MYL10: variants seen among roughly 807,000 people sequenced by gnomAD.
The protein encoded by MYL10 is myosin light chain 10, also known as myosin regulatory light chain 10.
In MYL10, 18 loss-of-function variants were observed where a neutral mutation model predicts 21.9. That is an observed-to-expected ratio of 0.82 (90% CI 0.57 to 1.22). The LOEUF (loss-of-function observed/expected upper bound fraction) is 1.22. MYL10 is among the 50% of genes most tolerant of loss of function. MYL10 has a pLI of 0.00. For synonymous variants in MYL10, 88 were observed against 82.8 expected (o/e 1.06, Z -0.34); for missense variants, 225 against 230.4 (o/e 0.98, Z 0.15).
intron 5 of MYL10, among the ~76,000 whole-genome samples, chr7:101,617,481 C>G (rs2130736687): frequency 6.6e-6 from 1 of 152,358 alleles, no homozygotes; most frequent in East Asian, 1.9e-4. Context: ...TTAAACCCAC[C>G]TCTGTGGACT....
chr7:101,622,071 C>G (rs768501186), intron 5 of MYL10, 25 bp downstream of exon 5: 10 of 1,586,930 alleles, frequency 6.3e-6, no homozygotes, highest in Middle Eastern at 3.3e-4. Context: ...TGCTGCCCCT[C>G]CAGGACTCCA....
In MYL10 at chr7:101,613,492, C is replaced by G; in HGVS notation, c.664G>C (p.Gly222Arg). The change falls in exon 8 of 8, where the codon GGT becomes CGT. Residue 222 changes from glycine to arginine, a missense_variant. Gly to Arg is a moderately radical substitution (Grantham distance 125, BLOSUM62 -2). Coordinates refer to ENST00000223167, the MANE Select transcript of MYL10 (RefSeq NM_138403.5). Reference sequence around the variant, plus strand: ...GTGATCCCCTAATCCTTCTCTTCACCGTGAGTGATGACGTAGCACAGGTTT... The same window carrying G: ...GTGATCCCCTAATCCTTCTCTTCACGGTGAGTGATGACGTAGCACAGGTTT... ...YRNLCYVITHGEEKD is the reference protein window; with the variant it reads ...YRNLCYVITHREEKD 6.2e-7 allele frequency: 1 copy of G among 1,614,014 alleles called. No individual in the cohort carries two copies. The highest frequency in any genetic ancestry group is 8.5e-7 in the Non-Finnish European group (1 of 1,179,878).
At chr7:101,624,102 C>T (rs938196187) in intron 2 of MYL10, 70 bp downstream of exon 2, 14 of 900,228 alleles carry the variant, frequency 1.6e-5, no homozygotes, top group African/African-American at 1.3e-4. Flanking sequence ...TGAGCCTCTG[C>T]CCAGCTCCTT....
rs1333565512 is a variant in MYL10 at position 101,616,214 on chromosome 7, A to G, written c.533+6T>C. 3.7e-6 allele frequency: 6 copies of G among 1,613,690 alleles called. No individual in the cohort carries two copies. The African/African-American group carries it at 5.3e-5, about 14-fold the overall frequency. On this transcript the variant is annotated splice_donor_region_variant and intron_variant, in intron 6 of 7. Transcript: ENST00000223167. ...GAGCATTTTGGGGGAGTCAGGGGAA[A>G]CTTACACATCGGCCTTGACGAAACC...
At chr7:101,616,160 AC>A in intron 6 of MYL10, 59 bp downstream of exon 6, 3 of 1,477,334 alleles carry the variant, frequency 2.0e-6, no homozygotes, top group Non-Finnish European at 2.8e-6. Flanking sequence ...ATCCACCCTG[AC>A]CCCAGCCCAA....
intron 5 of MYL10, 128 bp downstream of exon 5, chr7:101,621,968 G>C (rs1796684059): frequency 1.5e-6 from 1 of 676,682 alleles, no homozygotes; most frequent in Non-Finnish European, 2.5e-6. Flanking sequence ...CGTGCACCTG[G>C]GGGCTGGTGT....
At chr7:101,623,469 A>G (rs1227294719) in intron 3 of MYL10, among the ~76,000 whole-genome samples, 1 of 152,100 alleles carries the variant, frequency 6.6e-6, no homozygotes, top group Non-Finnish European at 1.5e-5. Context: ...CAGAGGCAGG[A>G]GGATTGCTTG....
rs930714385 is a variant in MYL10, at chr7:101,616,071, G to A, written c.533+149C>T. The A allele has an allele frequency of 4.7e-6, 3 of 637,058 alleles. No homozygotes were observed. The African/African-American group carries it at 5.4e-5, about 12-fold the overall frequency. The allele number at this position is 637,058 out of a possible 1,614,324, so 39.5% of individuals were successfully genotyped here. A position where few individuals can be genotyped will look rare whatever the true frequency, so the allele number is the denominator to read the frequency against. ...AGGGGACACCAAGGCCCAGAGAGGG[G>A]AAGGGACATCAAGCGATATCACTGG... On this transcript the variant is annotated intron_variant, in intron 6 of 7. Coordinates refer to ENST00000223167, the MANE Select transcript of MYL10 (RefSeq NM_138403.5).
intron 5 of MYL10, among the ~76,000 whole-genome samples, chr7:101,617,861 C>T (rs1796626956): frequency 6.6e-6 from 1 of 152,132 alleles, no homozygotes; most frequent in South Asian, 2.1e-4. Context: ...GGATCAGGGC[C>T]TTCTGTGCCT....
chr7:101,618,079 G>A (rs1796629830), intron 5 of MYL10, among the ~76,000 whole-genome samples: 1 of 152,264 alleles, frequency 6.6e-6, no homozygotes. Context: ...GGACTGGGCA[G>A]TGTCTGAGTC....
At chr7:101,617,794 A>T (rs764324407) in intron 5 of MYL10, among the ~76,000 whole-genome samples, 5 of 151,502 alleles carry the variant, frequency 3.3e-5, no homozygotes, top group Admixed American at 6.6e-5. Flanking sequence ...GATCAGGGCC[A>T]TCTGTGTCTC....
intron 6 of MYL10, among the ~76,000 whole-genome samples, chr7:101,615,781 A>C (rs1338552839): frequency 3.7e-5 from 5 of 136,958 alleles, no homozygotes; most frequent in Non-Finnish European, 7.7e-5. Context: ...TGCAACCTCC[A>C]CTTCCTGGGT....
intron 6 of MYL10, among the ~76,000 whole-genome samples, chr7:101,614,444 G>A (rs1033046628): frequency 2.0e-5 from 3 of 152,250 alleles, no homozygotes; most frequent in Non-Finnish European, 2.9e-5. Flanking sequence ...ACCGTGGCCT[G>A]TCTGGCCTGC....
intron 4 of MYL10, among the ~76,000 whole-genome samples, chr7:101,622,413 TC>T (rs1400717411): frequency 5.3e-5 from 8 of 152,248 alleles, no homozygotes; most frequent in Admixed American, 3.9e-4. Flanking sequence ...CAAGTCACTC[TC>T]ATCCCCATTT....
In MYL10 at chr7:101,622,129, C is replaced by T; in HGVS notation, c.421G>A (p.Val141Met). The T allele has an allele frequency of 6.2e-7, 1 of 1,613,938 alleles. No homozygotes were observed. Among genetic ancestry groups the T allele is most frequent in the Non-Finnish European group, 8.5e-7 (1 of 1,179,866 alleles). Residue 141 changes from valine (V) to methionine (M), a missense_variant, in exon 5 of 8, where the codon GTG (valine) becomes ATG (methionine). Coordinates refer to ENST00000223167, the MANE Select transcript of MYL10 (RefSeq NM_138403.5). ...TTCTCCCCAAACATGGTCAGGAACA[C>T]CGTGAAGTTGATGGGTCCGGGGGCC... ...KEAPGPINFTVFLTMFGEKLK... is the reference protein window; with the variant it reads ...KEAPGPINFTMFLTMFGEKLK...
chr7:101,615,016 C>T (rs1796591502), intron 6 of MYL10, among the ~76,000 whole-genome samples: 1 of 152,138 alleles, frequency 6.6e-6, no homozygotes, highest in Non-Finnish European at 1.5e-5. Context: ...GGGAAGGCTG[C>T]CACTCCCCCG....
chr7:101,622,236 G>A (rs1460650462), intron 4 of MYL10, 36 bp from the exon 5 acceptor site: 3 of 1,519,266 alleles, frequency 2.0e-6, no homozygotes, highest in Middle Eastern at 1.7e-4. Flanking sequence ...GGGAGGATAA[G>A]AGAGATCAGA....
chr7:101,615,495 A>G (rs1796598280), intron 6 of MYL10, among the ~76,000 whole-genome samples: 1 of 144,668 alleles, frequency 6.9e-6, no homozygotes, highest in Admixed American at 7.1e-5. Context: ...CCCCTACACC[A>G]CCTCCACCCG....
intron 6 of MYL10, among the ~76,000 whole-genome samples, chr7:101,614,801 C>T (rs1011985203): frequency 1.3e-5 from 2 of 152,134 alleles, no homozygotes; most frequent in Non-Finnish European, 2.9e-5. Flanking sequence ...ACCCCTGCTG[C>T]GTCTGCCCTC....
Sources: allele counts gnomAD v4.1 joint callset (sites outside exome capture counted in the v4.1 genomes callset), GRCh38; gene constraint gnomAD v4.1.1; transcripts MANE v1.5; gene names NCBI Gene and HGNC (gene_info 2026-07-23, HGNC 2026-07-21).